The following MRTFB variants were observed in gnomAD, a reference collection of about 807,000 sequenced individuals.
MRTFB encodes myocardin-related transcription factor B.
In MRTFB, 29 loss-of-function variants were observed where a neutral mutation model predicts 104.2. The ratio of observed to expected loss-of-function variants is 0.28; its 90% confidence interval spans 0.21 to 0.38. The LOEUF (loss-of-function observed/expected upper bound fraction) is 0.38. Ranked by LOEUF, MRTFB falls within the 10% of genes least tolerant of loss-of-function variation. The pLI, the probability that MRTFB is intolerant of heterozygous loss-of-function variation, is 1.00. For synonymous variants in MRTFB, 535 were observed against 519.5 expected (o/e 1.03, Z -0.41); for missense variants, 1,270 against 1,341.6 (o/e 0.95, Z 0.83).
Position 14,203,804 on chromosome 16 carries a change from G to GAA in MRTFB, c.155-6415_155-6414dup, listed in dbSNP as rs908323645. On this transcript the variant is annotated intron_variant, in intron 3 of 16. Transcript: ENST00000571589. ...GGGCGACAGAGGAAGACTCTGTCTC[G>GAA]AAAAAAAAAAAAAAAAAAAAAAAAA... Among the ~76,000 whole-genome samples the GAA allele has an allele frequency of 3.4e-3, 159 of 46,472 alleles. 1 individual carries two copies. The highest frequency in any genetic ancestry group is 7.1e-3 in the African/African-American group (103 of 14,432). 30.5% of individuals were successfully genotyped at this position (46,472 alleles called of 152,430 possible). A position where few individuals can be genotyped will look rare whatever the true frequency, so the allele number is the denominator to read the frequency against.
At chr16:14,028,138 C>G in the MRTFB span, among the ~76,000 whole-genome samples, 3 of 152,078 alleles carry the variant, frequency 2.0e-5, no homozygotes, top group African/African-American at 7.2e-5. Context: ...GATTGTGCCA[C>G]TACACTCCAG....
intron 2 of MRTFB, among the ~76,000 whole-genome samples, chr16:14,134,096 G>A (rs1376788056): frequency 1.3e-5 from 2 of 152,110 alleles, no homozygotes; most frequent in Non-Finnish European, 2.9e-5. Flanking sequence ...CATGTTGGAG[G>A]GTTAGTGTGC....
At chr16:14,028,224 C>CAAAACAAAACAAAACAAAACA in the MRTFB span, among the ~76,000 whole-genome samples, 1 of 151,782 alleles carries the variant, frequency 6.6e-6, no homozygotes, top group Non-Finnish European at 1.5e-5. Flanking sequence ...CAAAACAAAA[C>CAAAACAAAACAAAACAAAACA]AAACCAAGTA....
At chr16:14,009,836 T>C in the MRTFB span, 1 of 152,154 alleles carries the variant, frequency 6.6e-6, no homozygotes, top group Non-Finnish European at 1.5e-5. Context: ...GAAGGTTAAA[T>C]CACATATCAC....
intron 3 of MRTFB, among the ~76,000 whole-genome samples, chr16:14,162,287 T>G (rs1042667279): frequency 6.6e-6 from 1 of 152,062 alleles, no homozygotes; most frequent in Non-Finnish European, 1.5e-5. Flanking sequence ...TGAGCCATCA[T>G]CACATCACTG....
chr16:14,200,747 GT>G, intron 3 of MRTFB: 1 of 1,492,918 alleles, frequency 6.7e-7, no homozygotes, highest in South Asian at 1.1e-5. Context: ...GTTGGGACTT[GT>G]TGCCTGTCCA....
the MRTFB span, among the ~76,000 whole-genome samples, chr16:14,057,854 C>T: frequency 6.6e-6 from 1 of 152,224 alleles, no homozygotes; most frequent in African/African-American, 2.4e-5. Flanking sequence ...CTCTGAGCTC[C>T]TCCTGGGAGG....
chr16:14,192,653 A>T (rs1296991421), intron 3 of MRTFB, among the ~76,000 whole-genome samples: 1 of 152,146 alleles, frequency 6.6e-6, no homozygotes, highest in African/African-American at 2.4e-5. Context: ...AGAAGTTAAA[A>T]CACACCCACA....
At chr16:14,255,693 T>A (rs957641249) in intron 15 of MRTFB, among the ~76,000 whole-genome samples, 1 of 152,182 alleles carries the variant, frequency 6.6e-6, no homozygotes, top group African/African-American at 2.4e-5. Flanking sequence ...TGAGTGGATC[T>A]GTGTGGTTGT....
chr16:14,255,424 A>C (rs568949036), intron 15 of MRTFB, among the ~76,000 whole-genome samples: 1 of 152,252 alleles, frequency 6.6e-6, no homozygotes, highest in African/African-American at 2.4e-5. Flanking sequence ...ATTAATGTCA[A>C]CCTTTCATCA....
chr16:14,202,022 T>G (rs534699999), intron 3 of MRTFB, among the ~76,000 whole-genome samples: 1 of 152,272 alleles, frequency 6.6e-6, no homozygotes, highest in East Asian at 1.9e-4. Context: ...AAAATAGTTT[T>G]TAAGATTATT....
upstream of MRTFB, among the ~76,000 whole-genome samples, chr16:14,067,446 C>A (rs964809498): frequency 6.6e-6 from 1 of 152,098 alleles, no homozygotes; most frequent in Non-Finnish European, 1.5e-5. Context: ...TGGTCTTGAA[C>A]TCCTGACCTC....
chr16:14,098,488 A>G (rs567915499), intron 2 of MRTFB, among the ~76,000 whole-genome samples: 19 of 152,298 alleles, frequency 1.2e-4, no homozygotes, highest in Admixed American at 3.9e-4. Flanking sequence ...ATGATTTGCA[A>G]TATTTTATCT....
At chr16:14,179,618 G>A (rs749556912) in intron 3 of MRTFB, among the ~76,000 whole-genome samples, 3 of 152,214 alleles carry the variant, frequency 2.0e-5, no homozygotes, top group Non-Finnish European at 4.4e-5. Flanking sequence ...TCATTTGTGG[G>A]CAGGGGATAA....
At chr16:14,071,242 G>A (rs1056008063), upstream of MRTFB, 3 of 153,224 alleles carry the variant, frequency 2.0e-5, no homozygotes, top group African/African-American at 7.2e-5. Flanking sequence ...TCCGGGGAGC[G>A]CGCCGAGCCG....
At chr16:14,130,742 T>G (rs1199331916) in intron 2 of MRTFB, among the ~76,000 whole-genome samples, 3 of 152,104 alleles carry the variant, frequency 2.0e-5, no homozygotes. Flanking sequence ...CAAGACTGGG[T>G]AATTTATAAA....
chr16:14,153,317 T>C (rs985445838), intron 3 of MRTFB: 52 of 152,338 alleles, frequency 3.4e-4, no homozygotes, highest in African/African-American at 1.2e-3. Context: ...TGAAAAAGTA[T>C]TGCTTTTCTA....
In MRTFB at chr16:14,251,891, A is replaced by G; in HGVS notation, c.2433A>G (p.Thr811=). The G allele has an allele frequency of 6.2e-7, 1 of 1,614,218 alleles. No homozygotes were observed. Among genetic ancestry groups the G allele is most frequent in the Non-Finnish European group, 8.5e-7 (1 of 1,180,016 alleles). Residue 811 remains threonine, a synonymous_variant, in exon 14 of 17, where the codon ACA becomes ACG. Coordinates refer to ENST00000571589, the MANE Select transcript of MRTFB (RefSeq NM_001308142.2). ...KVFTNSASSN[T]VLPYQRHPAP... is the part of the protein sequence containing the mutation. The stretch of plus-strand genomic sequence containing the variant: ...TCACAAACTCAGCATCATCAAATAC[A>G]GTTCTTCCATATCAGAGACATCCTG...
chr16:14,099,916 C>T (rs1267811622), intron 2 of MRTFB, among the ~76,000 whole-genome samples: 1 of 152,170 alleles, frequency 6.6e-6, no homozygotes, highest in Non-Finnish European at 1.5e-5. Context: ...GAACCCACCT[C>T]GGACTCCCAA....
Sources: gnomAD v4.1 joint callset for allele counts (sites outside exome capture counted in the v4.1 genomes callset) on GRCh38, gnomAD v4.1.1 for gene constraint, MANE v1.5 for transcripts, NCBI Gene and HGNC (gene_info 2026-07-23, HGNC 2026-07-21) for gene names.